CDKN1A: variants seen among roughly 807,000 people sequenced by gnomAD.
The protein encoded by CDKN1A is cyclin dependent kinase inhibitor 1A, also known as cyclin-dependent kinase inhibitor 1.
CDKN1A carries 14 observed loss-of-function variants against 14.8 expected under a neutral mutation model. That is an observed-to-expected ratio of 0.94 (90% CI 0.62 to 1.48). CDKN1A has a LOEUF of 1.48. Ranked by LOEUF, CDKN1A falls within the 40% of genes most tolerant of loss-of-function variation. The probability of loss-of-function intolerance (pLI) is 0.00; values close to 1 mark genes in which losing one functional copy is unlikely to be tolerated. For synonymous variants in CDKN1A, 92 were observed against 93.5 expected (o/e 0.98, Z 0.09); for missense variants, 203 against 231.7 (o/e 0.88, Z 0.80).
rs1312466117 is a variant in CDKN1A at position 36,684,122 on chromosome 6, T to A, written c.21T>A (p.Asp7Glu). MSEPAG[D>E]VRQNPCGSKA... ...GCGCCATGTCAGAACCGGCTGGGGA[T>A]GTCCGTCAGAACCCATGCGGCAGCA... Residue 7 changes from aspartate to glutamate, a missense_variant, in exon 2 of 3, where the codon GAT (aspartate) becomes GAA (glutamate). Asp to Glu is a conservative substitution (Grantham distance 45, BLOSUM62 2). Coordinates refer to ENST00000244741, the MANE Select transcript of CDKN1A (RefSeq NM_000389.5). This position sits in a 1 kb window ranked among gnomAD's most constrained non-coding sequence, Gnocchi z 6.0. 9 of 1,613,314 alleles carry A rather than the reference T, an allele frequency of 5.6e-6. No homozygotes were observed. Among genetic ancestry groups the A allele is most frequent in the Non-Finnish European group, 7.6e-6 (9 of 1,180,000 alleles).
At chr6:36,681,805 A>G (rs977917457) in intron 1 of CDKN1A, among the ~76,000 whole-genome samples, 11 of 151,972 alleles carry the variant, frequency 7.2e-5, no homozygotes, top group Non-Finnish European at 1.5e-4. Flanking sequence ...CGTGTTAGCC[A>G]GGATGGTCTC....
intron 1 of CDKN1A, among the ~76,000 whole-genome samples, chr6:36,680,218 C>T (rs1196304664): frequency 2.0e-5 from 3 of 151,934 alleles, no homozygotes; most frequent in Non-Finnish European, 4.4e-5. Flanking sequence ...TTTTATTTTC[C>T]AGGGATCTGA....
At position 36,678,838 on chromosome 6, in the gene CDKN1A, G is replaced by T. The variant is rs1434933102; in HGVS notation, c.-6+40G>T. 1.0e-6 allele frequency: 1 copy of T among 985,678 alleles called. No homozygotes were observed. The highest frequency in any genetic ancestry group is 1.2e-6 in the Non-Finnish European group (1 of 830,094). The allele number at this position is 985,678 out of a possible 1,614,324, so 61.1% of individuals were successfully genotyped here. A position where few individuals can be genotyped will look rare whatever the true frequency, so the allele number is the denominator to read the frequency against. ...GCAGACAACAGGGGACCCCGGGCCG[G>T]CGGCCCAGAGCCGAGCCAAGCGTGC... is the stretch of plus-strand genomic sequence containing the variant. On this transcript the variant is annotated intron_variant, in intron 1 of 2. Transcript: ENST00000244741. The surrounding 1 kb of genome is among the most constrained non-coding windows in gnomAD (Gnocchi z 5.7).
chr6:36,676,850 T>C (rs1194949717), upstream of CDKN1A, among the ~76,000 whole-genome samples: 3 of 152,132 alleles, frequency 2.0e-5, no homozygotes, highest in South Asian at 4.1e-4. Flanking sequence ...TTGAATGTCG[T>C]GGTGGTGGTG....
chr6:36,681,361 T>TTTTCTTTCTTTCTTTCTTTCTTTCTTTC (rs377657015), intron 1 of CDKN1A, among the ~76,000 whole-genome samples: 3 of 55,878 alleles, frequency 5.4e-5, no homozygotes, highest in Admixed American at 2.1e-4. Flanking sequence ...TTTTTCTTTC[T>TTTTCTTTCTTTCTTTCTTTCTTTCTTTC]TTTCTTTCTT....
At chr6:36,679,830 G>A (rs1370711563) in intron 1 of CDKN1A, among the ~76,000 whole-genome samples, 3 of 151,920 alleles carry the variant, frequency 2.0e-5, no homozygotes, top group Non-Finnish European at 2.9e-5. Context: ...GCCCACGCCT[G>A]GATGGGAGGC....
rs766176058 is a variant in CDKN1A, at chr6:36,684,624, G to C, written c.445+78G>C. 1.4e-6 allele frequency: 2 copies of C among 1,406,342 alleles called. No individual in the cohort carries two copies. Among genetic ancestry groups the C allele is most frequent in the Non-Finnish European group, 2.0e-6 (2 of 1,002,776 alleles). The allele number at this position is 1,406,342 out of a possible 1,614,324, so 87.1% of individuals were successfully genotyped here. Reference sequence around the variant, plus strand: ...CATGGTCCAAGGGCTGACCTGTCTGGTCCTGGTCCAGCATGCTCCAGGTAG... The same window carrying C: ...CATGGTCCAAGGGCTGACCTGTCTGCTCCTGGTCCAGCATGCTCCAGGTAG... On this transcript the variant is annotated intron_variant, in intron 2 of 2. Transcript: ENST00000244741. This position sits in a 1 kb window ranked among gnomAD's most constrained non-coding sequence, Gnocchi z 6.0.
In CDKN1A at chr6:36,684,496, G is replaced by A. The variant is rs777722468; in HGVS notation, c.395G>A (p.Gly132Asp). ...RSGEQAEGSP[G>D]GPGDSQGRKR... ...GGGGAGCAGGCTGAAGGGTCCCCAG[G>A]TGGACCTGGAGACTCTCAGGGTCGA... Residue 132 changes from glycine to aspartate, a missense_variant, in exon 2 of 3, where the codon GGT (glycine) becomes GAT (aspartate). Transcript: ENST00000244741. The surrounding 1 kb of genome is among the most constrained non-coding windows in gnomAD (Gnocchi z 6.0). 6.2e-7 allele frequency: 1 copy of A among 1,614,112 alleles called. No individual in the cohort carries two copies. The highest frequency in any genetic ancestry group is 8.5e-7 in the Non-Finnish European group (1 of 1,180,046).
At chr6:36,681,278 T>TTCCTTCTTTC (rs1562037958) in intron 1 of CDKN1A, among the ~76,000 whole-genome samples, 5 of 92,454 alleles carry the variant, frequency 5.4e-5, no homozygotes, top group Non-Finnish European at 1.1e-4. Flanking sequence ...CTTTCTTTCT[T>TTCCTTCTTTC]TTTTTCTTTC....
chr6:36,679,811 G>A (rs2150306424), intron 1 of CDKN1A, among the ~76,000 whole-genome samples: 1 of 152,146 alleles, frequency 6.6e-6, no homozygotes, highest in African/African-American at 2.4e-5. Context: ...ACTCCGGGGC[G>A]GGAGCGGAGC....
In CDKN1A at chr6:36,687,228, C is replaced by T. The variant is rs1762240879; in HGVS notation, c.*1428C>T. On this transcript the variant is annotated 3_prime_UTR_variant, in exon 3 of 3. Coordinates refer to ENST00000244741, the MANE Select transcript of CDKN1A (RefSeq NM_000389.5). ...GTTTCTCCACCTAGACTGTAAACCTCTCGAGGGCAGGGACCACACCCTGTA... is the reference window on the plus strand; with the variant it reads ...GTTTCTCCACCTAGACTGTAAACCTTTCGAGGGCAGGGACCACACCCTGTA... 8.6e-6 allele frequency: 2 copies of T among 233,106 alleles called. No homozygotes were observed. The highest frequency in any genetic ancestry group is 3.6e-4 in the South Asian group (2 of 5,524). The allele number at this position is 233,106 out of a possible 1,614,324, so 14.4% of individuals were successfully genotyped here. A position where few individuals can be genotyped will look rare whatever the true frequency, so the allele number is the denominator to read the frequency against.
At chr6:36,681,334 T>TTCTTTCTTTCTTTCTTTCTTTTTCTTTC (rs780161958) in intron 1 of CDKN1A, among the ~76,000 whole-genome samples, 3 of 86,058 alleles carry the variant, frequency 3.5e-5, no homozygotes, top group Non-Finnish European at 4.9e-5. Context: ...CTTTCTTTCT[T>TTCTTTCTTTCTTTCTTTCTTTTTCTTTC]TTTCTTTCTT....
upstream of CDKN1A, chr6:36,677,825 T>C (rs1174904626): frequency 3.0e-6 from 4 of 1,322,832 alleles, no homozygotes; most frequent in Admixed American, 8.7e-5. Context: ...TCCCCAGCAG[T>C]GTATACGGGC....
Position 36,684,095 on chromosome 6 carries a change from A to G in CDKN1A, c.-5-2A>G. ...AGGGCCTTCCTTGTATCTCTGCTGC[A>G]GGCGCCATGTCAGAACCGGCTGGGG... is the stretch of plus-strand genomic sequence containing the variant. On this transcript the variant is annotated splice_acceptor_variant, in intron 1 of 2. Coordinates refer to ENST00000244741, the MANE Select transcript of CDKN1A (RefSeq NM_000389.5). LOFTEE classifies it low-confidence loss of function (5UTR_SPLICE). This position sits in a 1 kb window ranked among gnomAD's most constrained non-coding sequence, Gnocchi z 6.0. The G allele has an allele frequency of 1.2e-6, 2 of 1,613,132 alleles. No homozygotes were observed. The highest frequency in any genetic ancestry group is 1.7e-4 in the Middle Eastern group (1 of 5,918).
rs1404633931 is a variant in CDKN1A, at chr6:36,684,186, C to A, written c.85C>A (p.Gln29Lys). ...CCTCTTCGGCCCAGTGGACAGCGAG[C>A]AGCTGAGCCGCGACTGTGATGCGCT... is the stretch of plus-strand genomic sequence containing the variant. Reference protein sequence around the residue: ...RRLFGPVDSEQLSRDCDALMA... With the variant: ...RRLFGPVDSEKLSRDCDALMA... The change falls in exon 2 of 3, where the codon CAG (glutamine) becomes AAG (lysine). Residue 29 changes from glutamine to lysine, a missense_variant. Coordinates refer to ENST00000244741, the MANE Select transcript of CDKN1A (RefSeq NM_000389.5). This position sits in a 1 kb window ranked among gnomAD's most constrained non-coding sequence, Gnocchi z 6.0. 2 of 1,611,858 alleles carry A rather than the reference C, an allele frequency of 1.2e-6. No homozygotes were observed. The highest frequency in any genetic ancestry group is 1.7e-6 in the Non-Finnish European group (2 of 1,180,000).
At chr6:36,681,408 C>CTTTCTTT (rs1562038520) in intron 1 of CDKN1A, among the ~76,000 whole-genome samples, 5 of 66,540 alleles carry the variant, frequency 7.5e-5, no homozygotes, top group East Asian at 3.9e-4. Flanking sequence ...TTTCTTTCTT[C>CTTTCTTT]CTTTCTCTTT....
At chr6:36,681,408 C>CTTT (rs1562038520) in intron 1 of CDKN1A, among the ~76,000 whole-genome samples, 23 of 66,588 alleles carry the variant, frequency 3.5e-4, no homozygotes, top group East Asian at 7.8e-4. Flanking sequence ...TTTCTTTCTT[C>CTTT]CTTTCTCTTT....
rs935843132 is a variant in CDKN1A at position 36,684,324 on chromosome 6, A to C, written c.223A>C (p.Lys75Gln). 2 of 1,613,218 alleles carry C rather than the reference A, an allele frequency of 1.2e-6. No individual in the cohort carries two copies. Among genetic ancestry groups the C allele is most frequent in the Non-Finnish European group, 1.7e-6 (2 of 1,180,002 alleles). Residue 75 changes from lysine to glutamine, a missense_variant, in exon 2 of 3, where the codon AAG (lysine) becomes CAG (glutamine). Physicochemically the swap from Lys to Gln is moderately conservative, Grantham distance 53. Coordinates refer to ENST00000244741, the MANE Select transcript of CDKN1A (RefSeq NM_000389.5). The surrounding 1 kb of genome is among the most constrained non-coding windows in gnomAD (Gnocchi z 6.0). ...WERVRGLGLP[K>Q]LYLPTGPRRG... Reference sequence around the variant, plus strand: ...GCGTGTGCGGGGCCTTGGCCTGCCCAAGCTCTACCTTCCCACGGGGCCCCG... The same window carrying C: ...GCGTGTGCGGGGCCTTGGCCTGCCCCAGCTCTACCTTCCCACGGGGCCCCG...
rs754443671 is a variant in CDKN1A at position 36,685,773 on chromosome 6, G to T, written c.468G>T (p.Arg156=). ...CAGATTTCTACCACTCCAAACGCCG[G>T]CTGATCTTCTCCAAGAGGAAGCCCT... The part of the protein sequence containing the change: ...SMTDFYHSKR[R]LIFSKRKP Residue 156 remains arginine (R), a synonymous_variant, in exon 3 of 3, where the codon CGG becomes CGT. Coordinates refer to ENST00000244741, the MANE Select transcript of CDKN1A (RefSeq NM_000389.5). The T allele has an allele frequency of 1.2e-6, 2 of 1,614,160 alleles. No individual in the cohort carries two copies. Among genetic ancestry groups the T allele is most frequent in the African/African-American group, 1.3e-5 (1 of 75,054 alleles).
Sources: allele counts gnomAD v4.1 joint callset (sites outside exome capture counted in the v4.1 genomes callset), GRCh38; gene constraint gnomAD v4.1.1; non-coding constraint Gnocchi (gnomAD v3.1); transcripts MANE v1.5; gene names NCBI Gene and HGNC (gene_info 2026-07-23, HGNC 2026-07-21).